The following MAGI1 variants were observed in gnomAD, a reference collection of about 807,000 sequenced individuals.
MAGI1 encodes membrane associated guanylate kinase, WW and PDZ domain containing 1.
MAGI1 carries 58 observed loss-of-function variants against 139.9 expected under a neutral mutation model. The ratio of observed to expected loss-of-function variants is 0.41; its 90% CI spans 0.34 to 0.52. The LOEUF (loss-of-function observed/expected upper bound fraction) is 0.52, where lower values mean the gene tolerates loss of function less well. Among genes scored for constraint, MAGI1 ranks in the 20% least tolerant of loss-of-function variants. The pLI, the probability that MAGI1 is intolerant of heterozygous loss-of-function variation, is 0.12. For missense variants in MAGI1, 1,874 were observed against 1,901.6 expected (o/e 0.99, Z 0.27); for synonymous variants, 812 against 737.9 (o/e 1.10, Z -1.63).
chr3:65,829,591 C>G (rs767012145), intron 1 of MAGI1, among the ~76,000 whole-genome samples: 4 of 152,180 alleles, frequency 2.6e-5, no homozygotes, highest in Non-Finnish European at 5.9e-5. Flanking sequence ...ATTTCTCATG[C>G]TTGTAAATTA....
intron 2 of MAGI1, among the ~76,000 whole-genome samples, chr3:65,581,872 GAAC>G (rs570888645): frequency 7.9e-5 from 12 of 152,116 alleles, no homozygotes; most frequent in Admixed American, 7.9e-4. Context: ...AACTCCCTGA[GAAC>G]AACAATTTTC....
At chr3:65,543,343 C>A (rs2079337728) in intron 2 of MAGI1, among the ~76,000 whole-genome samples, 1 of 152,108 alleles carries the variant, frequency 6.6e-6, no homozygotes. Context: ...GACAGTGTGG[C>A]AATTCCTCAA....
In MAGI1 at chr3:65,622,021, A is replaced by G; in HGVS notation, c.381T>C (p.His127=). The G allele has an allele frequency of 1.9e-6, 3 of 1,614,024 alleles. No homozygotes were observed. Among genetic ancestry groups the G allele is most frequent in the East Asian group, 2.2e-5 (1 of 44,860 alleles). The part of the protein sequence containing the change: ...NQRFQKGSPD[H]ELQQTIRDNL... ...TATCCCTTATGGTCTGCTGGAGCTC[A>G]TGATCAGGAGACCCCTTCTGGAATC... is the stretch of plus-strand genomic sequence containing the variant. The change falls in exon 2 of 23, where the codon CAT becomes CAC. Residue 127 remains histidine (H), a synonymous_variant. Coordinates refer to ENST00000402939, the MANE Select transcript of MAGI1 (RefSeq NM_001033057.2).
chr3:65,848,441 T>C (rs2059083978), intron 1 of MAGI1, among the ~76,000 whole-genome samples: 1 of 152,142 alleles, frequency 6.6e-6, no homozygotes, highest in African/African-American at 2.4e-5. Flanking sequence ...GGACCTATTA[T>C]TGTTCAACTT....
chr3:65,391,318 T>A lies in MAGI1; in HGVS notation c.2240A>T (p.His747Leu), dbSNP rs1215080035. ...ERKDSQNSSQ[H>L]SVSSHRSLHT... ...CAGGCTTCGGTGGCTGGAAACACTG[T>A]GCTGAGAACTATTCTGGCTGTCTTT... The change falls in exon 14 of 23, where the codon CAC becomes CTC. Residue 747 changes from histidine (H) to leucine (L), a missense_variant. His to Leu is a moderately conservative substitution (Grantham distance 99, BLOSUM62 -3). This residue lies in a region of MAGI1 where 482 missense variants were observed against 509.6 expected (regional missense o/e 0.95). Coordinates refer to ENST00000402939, the MANE Select transcript of MAGI1 (RefSeq NM_001033057.2). 1 of 1,614,208 alleles carries A rather than the reference T, an allele frequency of 6.2e-7. No homozygotes were observed. Among genetic ancestry groups the A allele is most frequent in the Admixed American group, 1.7e-5 (1 of 60,020 alleles).
intron 2 of MAGI1, among the ~76,000 whole-genome samples, chr3:65,497,076 C>T (rs1430762502): frequency 6.6e-6 from 1 of 152,038 alleles, no homozygotes; most frequent in Non-Finnish European, 1.5e-5. Context: ...GCCTAACAGA[C>T]ACCTACGAGC....
chr3:66,011,080 G>A (rs1359307043), intron 1 of MAGI1, among the ~76,000 whole-genome samples: 2 of 152,150 alleles, frequency 1.3e-5, no homozygotes, highest in Non-Finnish European at 2.9e-5. Flanking sequence ...ATAATAGAGG[G>A]CTAGAGTTCA....
At chr3:65,854,780 C>T (rs953549043) in intron 1 of MAGI1, among the ~76,000 whole-genome samples, 1 of 152,216 alleles carries the variant, frequency 6.6e-6, no homozygotes, top group Non-Finnish European at 1.5e-5. Flanking sequence ...TTCCTGCAAA[C>T]CTCCCAGGGT....
At chr3:65,496,204 G>A (rs1952432799) in intron 2 of MAGI1, among the ~76,000 whole-genome samples, 1 of 111,678 alleles carries the variant, frequency 9.0e-6, no homozygotes, top group Admixed American at 9.9e-5. Context: ...ACCACACCCA[G>A]CTAATTTTTT....
chr3:65,362,758 T>C (rs912786668), intron 21 of MAGI1, among the ~76,000 whole-genome samples: 3 of 152,248 alleles, frequency 2.0e-5, no homozygotes, highest in African/African-American at 7.2e-5. Context: ...TAATTTGTTG[T>C]AAATGGCTCT....
At chr3:65,494,590 C>T (rs930079067) in intron 2 of MAGI1, among the ~76,000 whole-genome samples, 1 of 152,202 alleles carries the variant, frequency 6.6e-6, no homozygotes, top group African/African-American at 2.4e-5. Context: ...CAACAGAGCT[C>T]ATTTAGCAAG....
At position 65,730,418 on chromosome 3, in the gene MAGI1, G is replaced by A. The variant is rs72906198; in HGVS notation, c.314-108330C>T. ...TATCCTCATTTAAAGCAGGAAGCAG[G>A]AGACAGGGGCGAAATGACTATCTTC... On this transcript the variant is annotated intron_variant, in intron 1 of 22. Coordinates refer to ENST00000402939, the MANE Select transcript of MAGI1 (RefSeq NM_001033057.2). Among the ~76,000 whole-genome samples, 497 of 152,284 alleles carry A rather than the reference G, an allele frequency of 3.3e-3. 3 individuals are homozygous for A. Among genetic ancestry groups the A allele is most frequent in the African/African-American group, 0.011 (466 of 41,556 alleles).
intron 1 of MAGI1, among the ~76,000 whole-genome samples, chr3:65,817,912 G>A (rs543863383): frequency 5.9e-5 from 9 of 152,270 alleles, no homozygotes; most frequent in Admixed American, 2.0e-4. Context: ...TTTGGACTAC[G>A]ATAATGGCTT....
rs77915781 is a variant in MAGI1, at chr3:65,839,967, C to A, written c.313+198029G>T. On this transcript the variant is annotated intron_variant, in intron 1 of 22. Coordinates refer to ENST00000402939, the MANE Select transcript of MAGI1 (RefSeq NM_001033057.2). ...TTAGCACTTTATAGTTGTCACCATA[C>A]TAAATCTGGTATATATTTTGTTAGA... Among the ~76,000 whole-genome samples, 396 of 152,228 alleles carry A rather than the reference C, an allele frequency of 2.6e-3. 3 individuals are homozygous for A. Among genetic ancestry groups the A allele is most frequent in the African/African-American group, 9.1e-3 (378 of 41,530 alleles).
At chr3:65,480,265 GA>G (rs1951188102) in intron 3 of MAGI1, among the ~76,000 whole-genome samples, 1 of 151,964 alleles carries the variant, frequency 6.6e-6, no homozygotes, top group Non-Finnish European at 1.5e-5. Flanking sequence ...GGGTACAGTG[GA>G]TCATGCCTCT....
chr3:65,879,410 G>A (rs1452977351), intron 1 of MAGI1, among the ~76,000 whole-genome samples: 4 of 151,994 alleles, frequency 2.6e-5, no homozygotes. Context: ...AGGCGATTAA[G>A]GGAAGAAACA....
intron 1 of MAGI1, among the ~76,000 whole-genome samples, chr3:65,860,699 G>T (rs993211953): frequency 1.3e-5 from 2 of 152,166 alleles, no homozygotes; most frequent in African/African-American, 2.4e-5. Flanking sequence ...CAGATTCCAT[G>T]GGGGAGAAAG....
intron 1 of MAGI1, among the ~76,000 whole-genome samples, chr3:66,031,328 T>A (rs976660344): frequency 3.9e-5 from 6 of 152,184 alleles, no homozygotes; most frequent in African/African-American, 1.4e-4. Flanking sequence ...CAAAGCAACA[T>A]CCTTCATGTA....
intron 1 of MAGI1, among the ~76,000 whole-genome samples, chr3:65,651,288 G>C (rs149704643): frequency 1.3e-5 from 2 of 152,164 alleles, no homozygotes; most frequent in South Asian, 2.1e-4. Context: ...CCTCATATAA[G>C]AAGAACAAAA....
Sources: allele counts gnomAD v4.1 joint callset (sites outside exome capture counted in the v4.1 genomes callset), GRCh38; gene constraint gnomAD v4.1.1; regional missense constraint gnomAD v4.1.1; transcripts MANE v1.5; gene names NCBI Gene and HGNC (gene_info 2026-07-23, HGNC 2026-07-21).